The following TAFA5 variants were observed in gnomAD, a reference collection of about 807,000 sequenced individuals.
The protein encoded by TAFA5 is TAFA chemokine like family member 5, also known as chemokine-like protein TAFA-5.
A neutral mutation model predicts 15.3 loss-of-function variants in TAFA5; 6 were observed. That is an observed-to-expected ratio of 0.39 (90% CI 0.21 to 0.77). The LOEUF (loss-of-function observed/expected upper bound fraction) is 0.77. TAFA5 is among the 30% of genes least tolerant of loss of function. TAFA5 has a pLI of 0.41. For missense variants in TAFA5, 161 were observed against 193.1 expected, an observed-to-expected ratio of 0.83 and a Z score of 0.98; for synonymous variants, 103 against 80.7, an observed-to-expected ratio of 1.28 and a Z score of -1.48.
chr22:48,511,883 C>A (rs566237981), intron 1 of TAFA5, among the ~76,000 whole-genome samples: 2 of 152,226 alleles, frequency 1.3e-5, no homozygotes, highest in Non-Finnish European at 2.9e-5. Flanking sequence ...AGCAGTCAGG[C>A]GGGCTCCCGG....
At chr22:48,618,489 G>A (rs1274797266) in intron 1 of TAFA5, among the ~76,000 whole-genome samples, 1 of 152,246 alleles carries the variant, frequency 6.6e-6, no homozygotes, top group African/African-American at 2.4e-5. Flanking sequence ...GGCTTTGCCT[G>A]GTGTTGGGTA....
intron 2 of TAFA5, among the ~76,000 whole-genome samples, chr22:48,656,743 GAGATGGAGTCTCTTTTTTTTTTTTTTT>G (rs1927262666): frequency 1.8e-4 from 1 of 5,492 alleles, no homozygotes; most frequent in Non-Finnish European, 6.4e-4. Flanking sequence ...TTTTTCTTTT[GAGATGGAGTCTCTTTTTTTTTTTTTTT>G]TTTTTTTTTT....
chr22:48,585,429 T>C, intron 1 of TAFA5, among the ~76,000 whole-genome samples: 1 of 101,880 alleles, frequency 9.8e-6, no homozygotes, highest in Non-Finnish European at 2.1e-5. Context: ...ACACAACACA[T>C]CACACACATG....
At chr22:48,741,689 CAG>C (rs1307423589) in intron 3 of TAFA5, among the ~76,000 whole-genome samples, 2 of 151,922 alleles carry the variant, frequency 1.3e-5, no homozygotes, top group African/African-American at 4.8e-5. Flanking sequence ...TGTGCAGACT[CAG>C]AGATGCCATC....
At chr22:48,639,040 C>T (rs1773165964) in intron 1 of TAFA5, among the ~76,000 whole-genome samples, 1 of 152,204 alleles carries the variant, frequency 6.6e-6, no homozygotes, top group Non-Finnish European at 1.5e-5. Context: ...AAGCCCAGCT[C>T]TTCTTCTGGC....
At chr22:48,684,837 C>G (rs911188615) in intron 2 of TAFA5, among the ~76,000 whole-genome samples, 3 of 152,240 alleles carry the variant, frequency 2.0e-5, no homozygotes, top group Admixed American at 1.3e-4. Flanking sequence ...CCGGCACTTA[C>G]CTCTCGGGGT....
At chr22:48,503,644 G>A (rs1346179493) in intron 1 of TAFA5, among the ~76,000 whole-genome samples, 1 of 152,212 alleles carries the variant, frequency 6.6e-6, no homozygotes, top group Non-Finnish European at 1.5e-5. Context: ...ATCAAAATTA[G>A]TGTTTCATTG....
chr22:48,728,114 A>G lies in TAFA5; in HGVS notation c.390+20270A>G, dbSNP rs147949266. Among the ~76,000 whole-genome samples, 24 of 152,378 alleles carry G rather than the reference A, an allele frequency of 1.6e-4. No homozygotes were observed. In the East Asian group the frequency reaches 4.4e-3, roughly 28 times the overall value. ...TTGAGCCACATATCTAAATTATAGT[A>G]TACAAACAAGGCTGCTTCCAATTTT... On this transcript the variant is annotated intron_variant, in intron 3 of 3. Transcript: ENST00000402357.
At position 48,616,838 on chromosome 22, in the gene TAFA5, G is replaced by T. The variant is rs144416615; in HGVS notation, c.113-29759G>T. Among the ~76,000 whole-genome samples the T allele has an allele frequency of 8.6e-4, 131 of 152,328 alleles. 5 individuals are homozygous for T. The East Asian group carries it at 0.022, about 25-fold the overall frequency. On this transcript the variant is annotated intron_variant, in intron 1 of 3. Coordinates refer to ENST00000402357, the MANE Select transcript of TAFA5 (RefSeq NM_001082967.3). Reference sequence around the variant, plus strand: ...CAGACACCCAGCTGCTTGCAGGTCCGTGGGGACCCCTAGGGGTTTGGTGGG... The same window carrying T: ...CAGACACCCAGCTGCTTGCAGGTCCTTGGGGACCCCTAGGGGTTTGGTGGG...
chr22:48,641,689 C>T (rs1265628004), intron 1 of TAFA5, among the ~76,000 whole-genome samples: 3 of 151,572 alleles, frequency 2.0e-5, no homozygotes, highest in African/African-American at 7.3e-5. Context: ...CGTGTGCACA[C>T]GGCCTCGCTA....
chr22:48,720,781 C>T (rs1485948034), intron 3 of TAFA5, among the ~76,000 whole-genome samples: 4 of 152,186 alleles, frequency 2.6e-5, no homozygotes, highest in East Asian at 1.9e-4. Flanking sequence ...GTGCTCGAGA[C>T]GTATTTCTGA....
At chr22:48,594,877 A>ATT (rs376412437) in intron 1 of TAFA5, among the ~76,000 whole-genome samples, 1 of 143,576 alleles carries the variant, frequency 7.0e-6, no homozygotes, top group African/African-American at 2.5e-5. Flanking sequence ...TCCTGAGCAC[A>ATT]TTTTTTTTTT....
At position 48,736,318 on chromosome 22, in the gene TAFA5, G is replaced by A. The variant is rs866034370; in HGVS notation, c.391-13521G>A. On this transcript the variant is annotated intron_variant, in intron 3 of 3. Coordinates refer to ENST00000402357, the MANE Select transcript of TAFA5 (RefSeq NM_001082967.3). ...CATCCCCCCAGGAGGAATGAGAATC[G>A]CACTCCTAGAGTCCATCCCCCCAGG... Among the ~76,000 whole-genome samples the A allele has an allele frequency of 1.0e-4, 3 of 29,020 alleles. 1 individual carries two copies. The highest frequency in any genetic ancestry group is 7.1e-4 in the African/African-American group (3 of 4,238). The allele number at this position is 29,020 out of a possible 152,430, so 19.0% of individuals were successfully genotyped here.
chr22:48,564,132 C>T (rs2147134134), intron 1 of TAFA5, among the ~76,000 whole-genome samples: 1 of 152,344 alleles, frequency 6.6e-6, no homozygotes, highest in South Asian at 2.1e-4. Context: ...ATCCCCTGGT[C>T]ACGCTGTGGG....
At chr22:48,705,358 G>A (rs1419603018) in intron 2 of TAFA5, among the ~76,000 whole-genome samples, 1 of 152,192 alleles carries the variant, frequency 6.6e-6, no homozygotes, top group Admixed American at 6.5e-5. Context: ...AGTCATGCAG[G>A]CTTCAGGCAG....
In TAFA5 at chr22:48,694,806, GCCCCCAC is replaced by G. The variant is rs1928655574; in HGVS notation, c.263-12908_263-12902del. ...CCACCCCCCACCGCTCCAGACCTCC[GCCCCCAC>G]CCGCCGCCGCTCCGACCTCCGCCCC... On this transcript the variant is annotated intron_variant, in intron 2 of 3. Coordinates refer to ENST00000402357, the MANE Select transcript of TAFA5 (RefSeq NM_001082967.3). 2.3e-3 allele frequency among the ~76,000 whole-genome samples: 63 copies of G among 27,230 alleles called. 1 individual carries two copies. The highest frequency in any genetic ancestry group is 0.017 in the Middle Eastern group (1 of 60). The allele number at this position is 27,230 out of a possible 152,430, so 17.9% of individuals were successfully genotyped here.
chr22:48,546,524 G>T (rs1473486889), intron 1 of TAFA5: 1 of 471,200 alleles, frequency 2.1e-6, no homozygotes, highest in South Asian at 1.5e-5. Context: ...TGGCTGGGCA[G>T]CCCGCGGCTG....
chr22:48,534,558 TTGAGCCCACAGGGCCCTGGAATGTGCC>T (rs1188910904), intron 1 of TAFA5, among the ~76,000 whole-genome samples: 1 of 152,152 alleles, frequency 6.6e-6, no homozygotes, highest in Non-Finnish European at 1.5e-5. Flanking sequence ...GAGGCTGCAG[TTGAGCCCACAGGGCCCTGGAATGTGCC>T]TGTGCCCGGA....
intron 1 of TAFA5, among the ~76,000 whole-genome samples, chr22:48,491,024 G>T (rs571540655): frequency 2.8e-4 from 42 of 152,306 alleles, no homozygotes; most frequent in African/African-American, 9.9e-4. Context: ...GCTTCAGCGC[G>T]GTTATGCATT....
Sources: gnomAD v4.1 joint callset for allele counts (sites outside exome capture counted in the v4.1 genomes callset) on GRCh38, gnomAD v4.1.1 for gene constraint, MANE v1.5 for transcripts, NCBI Gene and HGNC (gene_info 2026-07-23, HGNC 2026-07-21) for gene names.